HDAC9: variants seen among roughly 807,000 people sequenced by gnomAD.
HDAC9 encodes the protein histone deacetylase 9.
In HDAC9, 41 loss-of-function variants were observed where a neutral mutation model predicts 139.4. That is an observed-to-expected ratio of 0.29 (90% CI 0.23 to 0.38). The LOEUF (loss-of-function observed/expected upper bound fraction) is 0.38. Among genes scored for constraint, HDAC9 ranks in the 10% least tolerant of loss-of-function variants. The pLI, the probability that HDAC9 is intolerant of heterozygous loss-of-function variation, is 1.00. For synonymous variants in HDAC9, 517 were observed against 476.2 expected, an observed-to-expected ratio of 1.09 and a Z score of -1.12; for missense variants, 1,147 against 1,297.0, an observed-to-expected ratio of 0.88 and a Z score of 1.78.
At chr7:18,371,533 A>G (rs1585430272) in intron 1 of HDAC9, among the ~76,000 whole-genome samples, 1 of 152,156 alleles carries the variant, frequency 6.6e-6, no homozygotes, top group African/African-American at 2.4e-5. Flanking sequence ...TAATACATGT[A>G]TTAGAACACA....
chr7:18,710,921 TAACA>T (rs962900729), intron 12 of HDAC9, among the ~76,000 whole-genome samples: 2 of 152,196 alleles, frequency 1.3e-5, no homozygotes, highest in African/African-American at 4.8e-5. Context: ...GATTTTAAAC[TAACA>T]GTCACAAAGG....
At chr7:18,540,343 T>G (rs1222083854) in intron 2 of HDAC9, among the ~76,000 whole-genome samples, 1 of 151,920 alleles carries the variant, frequency 6.6e-6, no homozygotes, top group Non-Finnish European at 1.5e-5. Flanking sequence ...CCTTCTTTCT[T>G]ACATATAACA....
intron 12 of HDAC9, among the ~76,000 whole-genome samples, chr7:18,678,965 C>G (rs550060542): frequency 1.3e-5 from 2 of 152,026 alleles, no homozygotes; most frequent in South Asian, 4.1e-4. Context: ...TTTGTGAGTT[C>G]TCTGGAGCAT....
At chr7:18,708,382 C>T (rs76200008) in intron 12 of HDAC9, among the ~76,000 whole-genome samples, 2 of 152,122 alleles carry the variant, frequency 1.3e-5, no homozygotes, top group Non-Finnish European at 2.9e-5. Context: ...ACAAACAGCA[C>T]GTATTTGTGT....
chr7:18,799,516 A>G (rs1793108401), intron 17 of HDAC9, among the ~76,000 whole-genome samples: 1 of 152,240 alleles, frequency 6.6e-6, no homozygotes, highest in Admixed American at 6.5e-5. Flanking sequence ...GAAGTAAGTT[A>G]AGCCATGTCT....
At chr7:18,505,255 G>T (rs1224485962) in intron 2 of HDAC9, among the ~76,000 whole-genome samples, 2 of 152,122 alleles carry the variant, frequency 1.3e-5, no homozygotes, top group Non-Finnish European at 2.9e-5. Context: ...CTTCAAAATA[G>T]CAAATTATTA....
At position 18,500,716 on chromosome 7, in the gene HDAC9, A is replaced by G. The variant is rs1586358817; in HGVS notation, c.22+4392A>G. Among the ~76,000 whole-genome samples the G allele has an allele frequency of 2.0e-5, 3 of 152,272 alleles. No individual in the cohort carries two copies. The South Asian group carries it at 6.2e-4, about 32-fold the overall frequency. The stretch of plus-strand genomic sequence containing the variant: ...GATCGATCCATAGCTCTTTGGAATG[A>G]CGTACCTTTCACCAACTAAACTTAG... On this transcript the variant is annotated intron_variant, in intron 2 of 25. Transcript: ENST00000686413.
At chr7:18,812,209 G>A (rs1349155072) in intron 17 of HDAC9, among the ~76,000 whole-genome samples, 4 of 151,776 alleles carry the variant, frequency 2.6e-5, no homozygotes, top group Admixed American at 6.6e-5. Context: ...AACAGTATAC[G>A]TATAAAATAA....
chr7:18,867,604 C>G (rs992440095), intron 21 of HDAC9, among the ~76,000 whole-genome samples: 1 of 152,100 alleles, frequency 6.6e-6, no homozygotes, highest in Non-Finnish European at 1.5e-5. Flanking sequence ...TTTGAGGACA[C>G]GTTTTTTCTT....
intron 12 of HDAC9, among the ~76,000 whole-genome samples, chr7:18,708,837 T>A (rs937631744): frequency 2.6e-5 from 4 of 152,074 alleles, no homozygotes; most frequent in Admixed American, 2.6e-4. Flanking sequence ...TCATATGTGG[T>A]ACACAGAAAC....
chr7:18,206,321 A>G (rs1187187086), intron 2 of HDAC9, among the ~76,000 whole-genome samples: 1 of 152,240 alleles, frequency 6.6e-6, no homozygotes, highest in Non-Finnish European at 1.5e-5. Context: ...TTCTGCTCAT[A>G]TTAGTTGTAT....
chr7:18,671,812 A>T, intron 12 of HDAC9, among the ~76,000 whole-genome samples: 1 of 152,050 alleles, frequency 6.6e-6, no homozygotes, highest in East Asian at 1.9e-4. Flanking sequence ...ATATAAATGA[A>T]GTCATGCATT....
intron 17 of HDAC9, among the ~76,000 whole-genome samples, chr7:18,809,113 G>T (rs892775684): frequency 1.3e-5 from 2 of 152,036 alleles, no homozygotes; most frequent in Non-Finnish European, 2.9e-5. Flanking sequence ...TTCAACAAAT[G>T]AATTGGGAAA....
At chr7:18,869,672 A>G (rs1028143874) in intron 21 of HDAC9, among the ~76,000 whole-genome samples, 1 of 152,192 alleles carries the variant, frequency 6.6e-6, no homozygotes, top group Non-Finnish European at 1.5e-5. Flanking sequence ...CACCCAGCAG[A>G]CATCCACTGC....
chr7:18,381,057 G>A (rs1027421020), intron 1 of HDAC9, among the ~76,000 whole-genome samples: 1 of 151,540 alleles, frequency 6.6e-6, no homozygotes, highest in Non-Finnish European at 1.5e-5. Flanking sequence ...AATTAGTCCG[G>A]TGTGGTGGTG....
chr7:18,729,809 GAT>G lies in HDAC9; in HGVS notation c.1909+2055_1909+2056del, dbSNP rs561195337. Among the ~76,000 whole-genome samples, 10 of 152,110 alleles carry G rather than the reference GAT, an allele frequency of 6.6e-5. No homozygotes were observed. In the South Asian group the frequency reaches 2.1e-3, roughly 32 times the overall value. On this transcript the variant is annotated intron_variant, in intron 13 of 25. Transcript: ENST00000686413. ...ATAAGGCAATTCCTTGTCCACATGA[GAT>G]ATTATATAAAATTATTTTAGAAAAC...
chr7:18,862,331 A>G (rs1409500839), intron 21 of HDAC9, among the ~76,000 whole-genome samples: 1 of 152,204 alleles, frequency 6.6e-6, no homozygotes, highest in African/African-American at 2.4e-5. Flanking sequence ...TAGAAAAATC[A>G]TAGAATAATA....
chr7:18,959,194 G>A (rs1320153059), intron 24 of HDAC9, among the ~76,000 whole-genome samples: 2 of 152,138 alleles, frequency 1.3e-5, no homozygotes, highest in East Asian at 3.9e-4. Context: ...ACAGATTTGG[G>A]AGGGGAGGAA....
chr7:18,917,157 C>T (rs1803281966), intron 22 of HDAC9, among the ~76,000 whole-genome samples: 1 of 151,902 alleles, frequency 6.6e-6, no homozygotes. Context: ...ATGAAATCAT[C>T]TTATGTTACT....
Sources: allele counts gnomAD v4.1 joint callset (sites outside exome capture counted in the v4.1 genomes callset), GRCh38; gene constraint gnomAD v4.1.1; transcripts MANE v1.5; gene names NCBI Gene and HGNC (gene_info 2026-07-23, HGNC 2026-07-21).